Variants in SSU72 observed in about 807,000 individuals in gnomAD.
SSU72 encodes RNA polymerase II subunit A C-terminal domain phosphatase SSU72.
SSU72 carries 12 observed loss-of-function variants against 22.7 expected under a neutral mutation model. That is an observed-to-expected ratio of 0.53 (90% CI 0.34 to 0.86). The LOEUF (loss-of-function observed/expected upper bound fraction) is 0.86, where lower values mean the gene tolerates loss of function less well. Among genes scored for constraint, SSU72 ranks in the 40% least tolerant of loss-of-function variants. The pLI, the probability that SSU72 is intolerant of heterozygous loss-of-function variation, is 0.02. For synonymous variants in SSU72, 116 were observed against 98.3 expected, an observed-to-expected ratio of 1.18 and a Z score of -1.06; for missense variants, 151 against 249.8, an observed-to-expected ratio of 0.60 and a Z score of 2.67.
Position 1,574,638 on chromosome 1 carries a change from C to T in SSU72, c.-81G>A, listed in dbSNP as rs1186733318. 2.8e-5 allele frequency: 38 copies of T among 1,380,868 alleles called. 1 individual carries two copies. In the South Asian group the frequency reaches 4.9e-4, roughly 18 times the overall value. 85.5% of individuals were successfully genotyped at this position (1,380,868 alleles called of 1,614,324 possible). On this transcript the variant is annotated 5_prime_UTR_variant, in exon 1 of 5. Transcript: ENST00000291386. ...GCTTCCGCGCGAACAAAATGGCGGC[C>T]GCGGTGGCCGGAAGCGGGCGACGCG... is the stretch of plus-strand genomic sequence containing the variant.
intron 3 of SSU72, among the ~76,000 whole-genome samples, chr1:1,544,251 G>A (rs1642362017): frequency 6.6e-6 from 1 of 152,184 alleles, no homozygotes; most frequent in Non-Finnish European, 1.5e-5. Context: ...ACCGTGACTG[G>A]CATTGCGACC....
rs528770709 is a variant in SSU72 at position 1,542,774 on chromosome 1, G to T, written c.484-607C>A. On this transcript the variant is annotated intron_variant, in intron 4 of 4. Coordinates refer to ENST00000291386, the MANE Select transcript of SSU72 (RefSeq NM_014188.3). The surrounding 1 kb of genome is among the most constrained non-coding windows in gnomAD (Gnocchi z 4.4). ...CCAACGTGACCCAAGCAGAAATCGT[G>T]CAATAACTTCTGGGACGACATTTTC... 6.6e-6 allele frequency among the ~76,000 whole-genome samples: 1 copy of T among 152,030 alleles called. No homozygotes were observed. Among genetic ancestry groups the T allele is most frequent in the South Asian group, 2.1e-4 (1 of 4,828 alleles).
chr1:1,551,755 G>A (rs1642458867), intron 2 of SSU72, among the ~76,000 whole-genome samples: 1 of 152,206 alleles, frequency 6.6e-6, no homozygotes, highest in African/African-American at 2.4e-5. Context: ...CATCCTGAAC[G>A]TTTTGCCCAT....
At chr1:1,551,773 CCAA>C (rs1490083288) in intron 2 of SSU72, among the ~76,000 whole-genome samples, 1 of 152,256 alleles carries the variant, frequency 6.6e-6, no homozygotes, top group Non-Finnish European at 1.5e-5. Flanking sequence ...CATCCTTACG[CCAA>C]CGTCACATCG....
intron 1 of SSU72, among the ~76,000 whole-genome samples, chr1:1,572,719 G>A (rs1642746346): frequency 6.6e-6 from 1 of 151,124 alleles, no homozygotes; most frequent in African/African-American, 2.4e-5. Flanking sequence ...GGCCTCCCAA[G>A]GTGCTAGGAT....
intron 1 of SSU72, among the ~76,000 whole-genome samples, chr1:1,565,446 T>C (rs2100719694): frequency 6.6e-6 from 1 of 152,336 alleles, no homozygotes; most frequent in South Asian, 2.1e-4. Flanking sequence ...GGCTTTACTT[T>C]AAACTGAAAG....
At chr1:1,574,378 C>A in intron 1 of SSU72, 100 bp downstream of exon 1, 1 of 1,325,614 alleles carries the variant, frequency 7.5e-7, no homozygotes, top group South Asian at 1.3e-5. Flanking sequence ...CCCGGCCCGG[C>A]TTCCTCTCAG....
chr1:1,551,864 A>G (rs1317720353), intron 2 of SSU72, among the ~76,000 whole-genome samples: 1 of 152,158 alleles, frequency 6.6e-6, no homozygotes, highest in Non-Finnish European at 1.5e-5. Context: ...CCGGGCCACC[A>G]CTACCTTTCC....
intron 2 of SSU72, among the ~76,000 whole-genome samples, chr1:1,552,747 G>A (rs141947600): frequency 5.3e-5 from 8 of 152,332 alleles, no homozygotes; most frequent in Non-Finnish European, 1.0e-4. Context: ...CTGGCCGGGC[G>A]CGGTGCCTCA....
chr1:1,571,498 T>C (rs973674656), intron 1 of SSU72, among the ~76,000 whole-genome samples: 2 of 151,928 alleles, frequency 1.3e-5, no homozygotes, highest in African/African-American at 4.8e-5. Flanking sequence ...TCCATATTCA[T>C]GATATCCATA....
intron 2 of SSU72, among the ~76,000 whole-genome samples, chr1:1,547,042 A>G (rs954018922): frequency 2.0e-5 from 3 of 151,840 alleles, no homozygotes; most frequent in South Asian, 2.1e-4. Flanking sequence ...AAAAGAAAAG[A>G]AAAAAAAGAG....
chr1:1,567,005 C>A (rs934150586), intron 1 of SSU72, among the ~76,000 whole-genome samples: 7 of 152,216 alleles, frequency 4.6e-5, no homozygotes, highest in Admixed American at 1.3e-4. Flanking sequence ...GCCTTTCTCA[C>A]AGACACTGGC....
chr1:1,543,357 C>T (rs569273805), intron 4 of SSU72, among the ~76,000 whole-genome samples: 8 of 152,224 alleles, frequency 5.3e-5, no homozygotes, highest in Non-Finnish European at 8.8e-5. Context: ...GGGCTGTGTC[C>T]GCCACGGGGA....
At chr1:1,550,231 A>G (rs969726906) in intron 2 of SSU72, among the ~76,000 whole-genome samples, 10 of 151,654 alleles carry the variant, frequency 6.6e-5, no homozygotes, top group African/African-American at 2.4e-4. Flanking sequence ...GGCATCCAAG[A>G]CAAGTCCACA....
intron 2 of SSU72, among the ~76,000 whole-genome samples, chr1:1,547,183 C>T (rs146527941): frequency 5.3e-5 from 8 of 152,216 alleles, no homozygotes; most frequent in African/African-American, 1.2e-4. Context: ...CAGGGATCAC[C>T]CTCCCTGCAC....
At chr1:1,569,597 G>A (rs1029591315) in intron 1 of SSU72, among the ~76,000 whole-genome samples, 3 of 152,118 alleles carry the variant, frequency 2.0e-5, no homozygotes, top group African/African-American at 7.2e-5. Context: ...TCAACCTCTT[G>A]GGCTCAAGTG....
intron 2 of SSU72, chr1:1,563,514 AG>A (rs1433877978): frequency 2.3e-5 from 3 of 128,610 alleles, no homozygotes; most frequent in African/African-American, 9.8e-5. Flanking sequence ...CTTGGGCAAC[AG>A]GGTGAGACTC....
intron 1 of SSU72, among the ~76,000 whole-genome samples, chr1:1,565,737 G>C (rs1333140532): frequency 6.6e-6 from 1 of 152,218 alleles, no homozygotes; most frequent in African/African-American, 2.4e-5. Flanking sequence ...CTTGTTCCTT[G>C]GACTTCCTAG....
chr1:1,550,273 C>G (rs1642441036), intron 2 of SSU72, among the ~76,000 whole-genome samples: 1 of 152,132 alleles, frequency 6.6e-6, no homozygotes, highest in Non-Finnish European at 1.5e-5. Flanking sequence ...CCCCCGCCAT[C>G]CTCCACGCCA....
Sources: allele counts gnomAD v4.1 joint callset (sites outside exome capture counted in the v4.1 genomes callset), GRCh38; gene constraint gnomAD v4.1.1; non-coding constraint Gnocchi (gnomAD v3.1); transcripts MANE v1.5; gene names NCBI Gene and HGNC (gene_info 2026-07-23, HGNC 2026-07-21).